Variants in SYPL1 observed in about 807,000 individuals in gnomAD.
SYPL1 encodes synaptophysin-like protein 1.
A neutral mutation model predicts 23.7 loss-of-function variants in SYPL1; 6 were observed. That is an observed-to-expected ratio of 0.25 (90% CI 0.14 to 0.50). The LOEUF is 0.50. SYPL1 is among the 20% of genes least tolerant of loss of function. The pLI is 0.98. For synonymous variants in SYPL1, 102 were observed against 104.5 expected (o/e 0.98, Z 0.15); for missense variants, 253 against 288.9 (o/e 0.88, Z 0.90).
chr7:106,099,376 T>A, intron 1 of SYPL1, 94 bp from the exon 2 acceptor site: 1 of 1,391,254 alleles, frequency 7.2e-7, no homozygotes, highest in Non-Finnish European at 9.7e-7. Context: ...GCACACTGAT[T>A]ATTAAAAATT....
At position 106,097,904 on chromosome 7, in the gene SYPL1, A is replaced by C; in HGVS notation, c.195-7T>G. 6.2e-7 allele frequency: 1 copy of C among 1,605,464 alleles called. No homozygotes were observed. Among genetic ancestry groups the C allele is most frequent in the Non-Finnish European group, 8.5e-7 (1 of 1,173,988 alleles). On this transcript the variant is annotated splice_polypyrimidine_tract_variant and splice_region_variant and intron_variant, in intron 2 of 4. Transcript: ENST00000455385. The surrounding 1 kb of genome is among the most constrained non-coding windows in gnomAD (Gnocchi z 4.6). ...AAATGATGCCTCATTCAACCTATTA[A>C]AATAAATGTATGAATTATTGGACTT... is the stretch of plus-strand genomic sequence containing the variant.
In SYPL1 at chr7:106,096,280, T is replaced by C. The variant is rs1840015773; in HGVS notation, c.402+1410A>G. 1 of 152,228 alleles carries C rather than the reference T, an allele frequency of 6.6e-6. No individual in the cohort carries two copies. Among genetic ancestry groups the C allele is most frequent in the African/African-American group, 2.4e-5 (1 of 41,464 alleles). The allele number at this position is 152,228 out of a possible 1,614,324, so 9.4% of individuals were successfully genotyped here. ...ATTAAATATGAATGATAAAAGACTG[T>C]TGTATTACTTACCATTTCCATTCTT... On this transcript the variant is annotated intron_variant, in intron 3 of 4. Transcript: ENST00000455385. This position sits in a 1 kb window ranked among gnomAD's most constrained non-coding sequence, Gnocchi z 4.4.
rs1403754430 is a variant in SYPL1 at position 106,112,232 on chromosome 7, G to A, written c.-24C>T. On this transcript the variant is annotated 5_prime_UTR_variant, in exon 1 of 5. Coordinates refer to ENST00000455385, the MANE Select transcript of SYPL1 (RefSeq NM_182715.4). Reference sequence around the variant, plus strand: ...ATCCTCTGAGGAAAGGAGGGAGAGAGAGTCAGGACGACGGGGCGGAGGAGG... The same window carrying A: ...ATCCTCTGAGGAAAGGAGGGAGAGAAAGTCAGGACGACGGGGCGGAGGAGG... 1.3e-6 allele frequency: 2 copies of A among 1,529,218 alleles called. No individual in the cohort carries two copies. The highest frequency in any genetic ancestry group is 2.6e-5 in the East Asian group (1 of 38,700). The allele number at this position is 1,529,218 out of a possible 1,614,324, so 94.7% of individuals were successfully genotyped here. A position where few individuals can be genotyped will look rare whatever the true frequency, so the allele number is the denominator to read the frequency against.
At chr7:106,106,336 T>G (rs1278238459) in intron 1 of SYPL1, among the ~76,000 whole-genome samples, 1 of 151,206 alleles carries the variant, frequency 6.6e-6, no homozygotes, top group Non-Finnish European at 1.5e-5. Flanking sequence ...TCACCTGAGG[T>G]CAGGTGTTCG....
chr7:106,092,913 T>C (rs201698477), intron 4 of SYPL1, 36 bp downstream of exon 4: 4 of 1,466,516 alleles, frequency 2.7e-6, no homozygotes, highest in East Asian at 2.6e-5. Flanking sequence ...TAAACAAATA[T>C]ATGAAAGAAA....
chr7:106,099,536 G>A (rs1840204845), intron 1 of SYPL1, among the ~76,000 whole-genome samples: 1 of 151,998 alleles, frequency 6.6e-6, no homozygotes, highest in Non-Finnish European at 1.5e-5. Context: ...GATCACAGGT[G>A]TGCATCACCA....
In SYPL1 at chr7:106,097,989, C is replaced by G. The variant is rs1051148387; in HGVS notation, c.195-92G>C. ...TGAGTGACACTTCAAAAAATACTCC[C>G]CAAATATATTAAAAACATTCCTTTG... On this transcript the variant is annotated intron_variant, in intron 2 of 4. Coordinates refer to ENST00000455385, the MANE Select transcript of SYPL1 (RefSeq NM_182715.4). This position sits in a 1 kb window ranked among gnomAD's most constrained non-coding sequence, Gnocchi z 4.6. 7.0e-6 allele frequency: 7 copies of G among 1,006,170 alleles called. No individual in the cohort carries two copies. In the Admixed American group the frequency reaches 1.4e-4, roughly 20 times the overall value. The allele number at this position is 1,006,170 out of a possible 1,614,324, so 62.3% of individuals were successfully genotyped here.
chr7:106,102,681 C>A (rs1221439282), intron 1 of SYPL1, among the ~76,000 whole-genome samples: 1 of 152,196 alleles, frequency 6.6e-6, no homozygotes, highest in Non-Finnish European at 1.5e-5. Context: ...AGCTAAGCTG[C>A]TCCCAGATTC....
upstream of SYPL1, chr7:106,112,432 A>AGGGGCGGGCC (rs1790220206): frequency 1.0e-6 from 1 of 956,978 alleles, no homozygotes; most frequent in Non-Finnish European, 1.3e-6. Context: ...TGGGGAGGCG[A>AGGGGCGGGCC]GGGGCGGGCC....
At chr7:106,094,070 T>C (rs190847930) in intron 3 of SYPL1, among the ~76,000 whole-genome samples, 1 of 152,376 alleles carries the variant, frequency 6.6e-6, no homozygotes, top group Admixed American at 6.5e-5. Flanking sequence ...TTGGATGCTA[T>C]ATATGCTAAA....
intron 1 of SYPL1, among the ~76,000 whole-genome samples, chr7:106,107,660 T>G (rs1367748656): frequency 1.4e-5 from 2 of 147,268 alleles, no homozygotes; most frequent in Non-Finnish European, 3.0e-5. Context: ...GAGAATCACT[T>G]GAACCTGGGA....
Position 106,104,702 on chromosome 7 carries a change from A to G in SYPL1, c.70-5420T>C, listed in dbSNP as rs1840503094. Among the ~76,000 whole-genome samples, 1 of 152,260 alleles carries G rather than the reference A, an allele frequency of 6.6e-6. No homozygotes were observed. Among genetic ancestry groups the G allele is most frequent in the Non-Finnish European group, 1.5e-5 (1 of 68,042 alleles). ...TTTGTTATAAGGATAGATAAATATC[A>G]TGACAGCAATTCTGGTCTTTATCTT... On this transcript the variant is annotated intron_variant, in intron 1 of 4. Coordinates refer to ENST00000455385, the MANE Select transcript of SYPL1 (RefSeq NM_182715.4). The surrounding 1 kb of genome is among the most constrained non-coding windows in gnomAD (Gnocchi z 4.1).
chr7:106,094,417 A>G (rs939732037), intron 3 of SYPL1, among the ~76,000 whole-genome samples: 1 of 152,262 alleles, frequency 6.6e-6, no homozygotes, highest in African/African-American at 2.4e-5. Flanking sequence ...ACTTAGGATT[A>G]GAGAACCAAA....
rs995373571 is a variant in SYPL1 at position 106,100,741 on chromosome 7, C to T, written c.70-1459G>A. 2.0e-5 allele frequency among the ~76,000 whole-genome samples: 3 copies of T among 152,166 alleles called. No individual in the cohort carries two copies. Among genetic ancestry groups the T allele is most frequent in the Non-Finnish European group, 4.4e-5 (3 of 68,022 alleles). On this transcript the variant is annotated intron_variant, in intron 1 of 4. Coordinates refer to ENST00000455385, the MANE Select transcript of SYPL1 (RefSeq NM_182715.4). The surrounding 1 kb of genome is among the most constrained non-coding windows in gnomAD (Gnocchi z 5.1). The stretch of plus-strand genomic sequence containing the variant: ...GATCTCTCTGCTTCTGCCCTTGCCC[C>T]AGCTTCAGTCTGTTATCAACACAAC...
chr7:106,095,057 A>G lies in SYPL1; in HGVS notation c.403-1920T>C. On this transcript the variant is annotated intron_variant, in intron 3 of 4. Coordinates refer to ENST00000455385, the MANE Select transcript of SYPL1 (RefSeq NM_182715.4). This position sits in a 1 kb window ranked among gnomAD's most constrained non-coding sequence, Gnocchi z 4.3. ...CCCAACAATTCACAATATGAGTCATAGATTTTTAGAATTTGGGATACCCTA... is the reference window on the plus strand; with the variant it reads ...CCCAACAATTCACAATATGAGTCATGGATTTTTAGAATTTGGGATACCCTA... Among the ~76,000 whole-genome samples, 1 of 152,194 alleles carries G rather than the reference A, an allele frequency of 6.6e-6. No individual in the cohort carries two copies. Among genetic ancestry groups the G allele is most frequent in the East Asian group, 1.9e-4 (1 of 5,202 alleles).
Position 106,095,731 on chromosome 7 carries a change from T to C in SYPL1, c.402+1959A>G, listed in dbSNP as rs1839986823. ...ATTAAATTTAGAAGCTAGACTTTTA[T>C]AGACAAGAAGCACCCATTATGTAAC... On this transcript the variant is annotated intron_variant, in intron 3 of 4. Transcript: ENST00000455385. The surrounding 1 kb of genome is among the most constrained non-coding windows in gnomAD (Gnocchi z 4.3). Among the ~76,000 whole-genome samples, 1 of 152,226 alleles carries C rather than the reference T, an allele frequency of 6.6e-6. No individual in the cohort carries two copies. Among genetic ancestry groups the C allele is most frequent in the South Asian group, 2.1e-4 (1 of 4,836 alleles).
At position 106,090,898 on chromosome 7, in the gene SYPL1, A is replaced by T. The variant is rs902033747; in HGVS notation, c.*907T>A. On this transcript the variant is annotated 3_prime_UTR_variant, in exon 5 of 5. Transcript: ENST00000455385. Reference sequence around the variant, plus strand: ...AAAATAGCAACTTCATTGACTCTCAATGGTAAATTTCAAACATGGAAAGCA... The same window carrying T: ...AAAATAGCAACTTCATTGACTCTCATTGGTAAATTTCAAACATGGAAAGCA... The T allele has an allele frequency of 3.3e-5, 5 of 152,240 alleles. No individual in the cohort carries two copies. The highest frequency in any genetic ancestry group is 6.5e-5 in the Admixed American group (1 of 15,284). The allele number at this position is 152,240 out of a possible 1,614,324, so 9.4% of individuals were successfully genotyped here. A position where few individuals can be genotyped will look rare whatever the true frequency, so the allele number is the denominator to read the frequency against.
intron 1 of SYPL1, among the ~76,000 whole-genome samples, chr7:106,101,013 C>A (rs1840280351): frequency 6.6e-6 from 1 of 152,206 alleles, no homozygotes; most frequent in African/African-American, 2.4e-5. Context: ...GACCTTTGCA[C>A]TGGCTATTTC....
At position 106,091,829 on chromosome 7, in the gene SYPL1, A is replaced by T. The variant is rs1440893226; in HGVS notation, c.702T>A (p.Gly234=). The part of the protein sequence containing the change: ...SNTSAPHSQG[G]IPPPTGI ...ATTATATTCCGGTAGGAGGTGGAAT[A>T]CCTCCTTGGCTATGAGGGGCAGATG... Residue 234 remains glycine (G), a synonymous_variant, in exon 5 of 5, where the codon GGT becomes GGA. Transcript: ENST00000455385. The surrounding 1 kb of genome is among the most constrained non-coding windows in gnomAD (Gnocchi z 5.0). 1 of 1,612,838 alleles carries T rather than the reference A, an allele frequency of 6.2e-7. No individual in the cohort carries two copies. Among genetic ancestry groups the T allele is most frequent in the Non-Finnish European group, 8.5e-7 (1 of 1,179,518 alleles).
Sources: gnomAD v4.1 joint callset for allele counts (sites outside exome capture counted in the v4.1 genomes callset) on GRCh38, gnomAD v4.1.1 for gene constraint, Gnocchi (gnomAD v3.1) non-coding constraint, MANE v1.5 for transcripts, NCBI Gene and HGNC (gene_info 2026-07-23, HGNC 2026-07-21) for gene names.